The following P2RX7 variants were observed in gnomAD, a reference collection of about 807,000 sequenced individuals.
P2RX7 encodes P2X purinoceptor 7.
Under a neutral mutation model 71.6 loss-of-function variants are expected in P2RX7, and 62 were observed. That is an observed-to-expected ratio of 0.87 (90% CI 0.71 to 1.07). The LOEUF is 1.07. Among genes scored for constraint, P2RX7 ranks in the 50% least tolerant of loss-of-function variants. The pLI, the probability that P2RX7 is intolerant of heterozygous loss-of-function variation, is 0.00. For synonymous variants in P2RX7, 299 were observed against 283.3 expected (o/e 1.06, Z -0.56); for missense variants, 686 against 748.5 (o/e 0.92, Z 0.97).
chr12:121,166,261 C>T (rs1880999743), intron 7 of P2RX7, 74 bp downstream of exon 7: 6 of 1,499,208 alleles, frequency 4.0e-6, no homozygotes, highest in South Asian at 2.5e-5. Flanking sequence ...GCCAAGAGGC[C>T]GGGCCACTGG....
chr12:121,183,046 A>G lies in P2RX7; in HGVS notation c.1291-1259A>G, dbSNP rs913106905. ...CAAAAAAATAGCCAGGCATGGTGGC[A>G]GGCGCCTGTAGTCCCAGCTACTCGG... On this transcript the variant is annotated intron_variant, in intron 12 of 12. Transcript: ENST00000328963. Among the ~76,000 whole-genome samples the G allele has an allele frequency of 1.7e-4, 26 of 151,914 alleles. No homozygotes were observed. The East Asian group carries it at 3.5e-3, about 20-fold the overall frequency.
intron 11 of P2RX7, among the ~76,000 whole-genome samples, chr12:121,177,690 T>C (rs1326607361): frequency 1.6e-5 from 1 of 61,192 alleles, no homozygotes; most frequent in East Asian, 2.3e-4. Context: ...ATTTTGTCAT[T>C]TATTTATTTA....
At chr12:121,140,468 G>T (rs758304826) in intron 1 of P2RX7, among the ~76,000 whole-genome samples, 4 of 152,208 alleles carry the variant, frequency 2.6e-5, no homozygotes, top group Admixed American at 6.5e-5. Context: ...CAGTGAGAAG[G>T]TTCCTGGAGT....
chr12:121,148,739 G>C (rs1430301724), intron 1 of P2RX7, among the ~76,000 whole-genome samples: 1 of 152,144 alleles, frequency 6.6e-6, no homozygotes, highest in Non-Finnish European at 1.5e-5. Context: ...GCATCTCTTG[G>C]GTCCTCGCCC....
At chr12:121,136,536 A>G (rs756759523) in intron 1 of P2RX7, among the ~76,000 whole-genome samples, 4 of 151,626 alleles carry the variant, frequency 2.6e-5, no homozygotes, top group Non-Finnish European at 2.9e-5. Context: ...TGCTCAGGCT[A>G]GTCTCAAACT....
At chr12:121,136,003 CAAAAAAA>C (rs1191508376) in intron 1 of P2RX7, among the ~76,000 whole-genome samples, 1 of 12,830 alleles carries the variant, frequency 7.8e-5, no homozygotes, top group African/African-American at 1.5e-4. Flanking sequence ...GACTCTGTCT[CAAAAAAA>C]AAAAAAAAAA....
chr12:121,133,859 A>T (rs1379939396), intron 1 of P2RX7, among the ~76,000 whole-genome samples: 2 of 152,128 alleles, frequency 1.3e-5, no homozygotes, highest in African/African-American at 2.4e-5. Context: ...TTCAATGCTC[A>T]TCCATGTTGT....
intron 11 of P2RX7, among the ~76,000 whole-genome samples, chr12:121,178,343 T>TA (rs1210407550): frequency 3.9e-5 from 6 of 152,090 alleles, no homozygotes; most frequent in Non-Finnish European, 7.4e-5. Context: ...GGCACCAGCT[T>TA]AAAAAAATGA....
chr12:121,157,794 G>A (rs1218738136), intron 3 of P2RX7, among the ~76,000 whole-genome samples: 1 of 152,226 alleles, frequency 6.6e-6, no homozygotes, highest in Non-Finnish European at 1.5e-5. Context: ...GCCAAGTTGT[G>A]TGCATCTGTA....
In P2RX7 at chr12:121,133,089, A is replaced by G; in HGVS notation, c.119A>G (p.Tyr40Cys). Residue 40 changes from tyrosine (Y) to cysteine (C), a missense_variant, in exon 1 of 13, where the codon TAC (tyrosine) becomes TGC (cysteine). Tyr to Cys is a radical substitution (Grantham distance 194, BLOSUM62 -2). Coordinates refer to ENST00000328963, the MANE Select transcript of P2RX7 (RefSeq NM_002562.6). Reference protein sequence around the residue: ...KWFFHVIIFSYVCFALVSDKL... With the variant: ...KWFFHVIIFSCVCFALVSDKL... ...TTCTTCCACGTGATCATCTTTTCCT[A>G]CGTTTGGTAAGTGGGATCTGGGGAG... is the stretch of plus-strand genomic sequence containing the variant. The G allele has an allele frequency of 4.3e-6, 7 of 1,614,116 alleles. No individual in the cohort carries two copies. The highest frequency in any genetic ancestry group is 1.3e-5 in the African/African-American group (1 of 75,046).
chr12:121,161,934 A>G lies in P2RX7; in HGVS notation c.437-490A>G, dbSNP rs146419089. On this transcript the variant is annotated intron_variant, in intron 4 of 12. Transcript: ENST00000328963. Reference sequence around the variant, plus strand: ...TCCATACTGTATGTGTATTTGAGTTAGTATAAAAGTTATTTTAACATTGCT... The same window carrying G: ...TCCATACTGTATGTGTATTTGAGTTGGTATAAAAGTTATTTTAACATTGCT... Among the ~76,000 whole-genome samples the G allele has an allele frequency of 2.3e-3, 355 of 152,232 alleles. 2 individuals are homozygous for G. The highest frequency in any genetic ancestry group is 8.0e-3 in the African/African-American group (331 of 41,550).
intron 8 of P2RX7, among the ~76,000 whole-genome samples, chr12:121,174,758 T>A (rs1329903495): frequency 6.6e-6 from 1 of 152,130 alleles, no homozygotes; most frequent in African/African-American, 2.4e-5. Context: ...TTTTTTTAAT[T>A]TCTCTGCTTG....
intron 1 of P2RX7, among the ~76,000 whole-genome samples, chr12:121,152,259 G>A (rs1251392830): frequency 2.0e-5 from 3 of 152,148 alleles, no homozygotes; most frequent in Non-Finnish European, 4.4e-5. Context: ...GAGATTACAG[G>A]TGTGAGACAC....
intron 1 of P2RX7, among the ~76,000 whole-genome samples, chr12:121,139,838 G>A (rs903713246): frequency 3.1e-4 from 47 of 150,684 alleles, no homozygotes; most frequent in African/African-American, 1.0e-3. Flanking sequence ...GGGTTCATGC[G>A]ATTCTCCTGC....
At chr12:121,134,995 A>G (rs1873237919) in intron 1 of P2RX7, among the ~76,000 whole-genome samples, 1 of 152,116 alleles carries the variant, frequency 6.6e-6, no homozygotes, top group Admixed American at 6.5e-5. Context: ...AGCCCTTATC[A>G]TGATGACTGA....
At chr12:121,147,951 A>G (rs1451287057) in intron 1 of P2RX7, among the ~76,000 whole-genome samples, 1 of 152,048 alleles carries the variant, frequency 6.6e-6, no homozygotes, top group East Asian at 1.9e-4. Flanking sequence ...AAACACTAAG[A>G]TACTCTTTAG....
intron 2 of P2RX7, 78 bp from the exon 3 acceptor site, chr12:121,156,001 C>G: frequency 7.5e-7 from 1 of 1,331,888 alleles, no homozygotes; most frequent in East Asian, 2.3e-5. Context: ...AGAGGTTCGC[C>G]CAGCAAGCTG....
chr12:121,140,878 A>G (rs1227952179), intron 1 of P2RX7, among the ~76,000 whole-genome samples: 1 of 152,174 alleles, frequency 6.6e-6, no homozygotes, highest in Non-Finnish European at 1.5e-5. Context: ...CTGAGGTCAG[A>G]AGTTCAAGAC....
rs111753637 is a variant in P2RX7, at chr12:121,162,143, G to A, written c.437-281G>A. ...CTAAGTGAGAGCATACACCTGTTCC[G>A]CTCCCCTCATGGGCACCTTTTCTTA... On this transcript the variant is annotated intron_variant, in intron 4 of 12. Coordinates refer to ENST00000328963, the MANE Select transcript of P2RX7 (RefSeq NM_002562.6). The A allele has an allele frequency of 6.4e-4, 554 of 869,412 alleles. 2 individuals carry two copies. In the African/African-American group the frequency reaches 7.7e-3, roughly 12 times the overall value. The allele number at this position is 869,412 out of a possible 1,614,324, so 53.9% of individuals were successfully genotyped here.
Sources: allele counts gnomAD v4.1 joint callset (sites outside exome capture counted in the v4.1 genomes callset), GRCh38; gene constraint gnomAD v4.1.1; transcripts MANE v1.5; gene names NCBI Gene and HGNC (gene_info 2026-07-23, HGNC 2026-07-21).